Variants in FBXO11 observed in about 807,000 individuals in gnomAD.
The protein encoded by FBXO11 is F-box protein 11, also known as F-box only protein 11.
Under a neutral mutation model 117.0 loss-of-function variants are expected in FBXO11, and 13 were observed. The observed-to-expected ratio is 0.11, with a 90% CI of 0.07 to 0.18. FBXO11 has a LOEUF of 0.18. FBXO11 is among the 10% of genes least tolerant of loss of function. The probability of loss-of-function intolerance (pLI) is 1.00; values close to 1 mark genes in which losing one functional copy is unlikely to be tolerated. For missense variants in FBXO11, 767 were observed against 1,164.4 expected, an observed-to-expected ratio of 0.66 and a Z score of 4.97; for synonymous variants, 490 against 380.5, an observed-to-expected ratio of 1.29 and a Z score of -3.35.
Position 47,859,379 on chromosome 2 carries a change from G to A in FBXO11, c.233-19610C>T, listed in dbSNP as rs150347406. Among the ~76,000 whole-genome samples the A allele has an allele frequency of 4.2e-3, 632 of 152,256 alleles. 2 individuals are homozygous for A. The highest frequency in any genetic ancestry group is 0.015 in the African/African-American group (612 of 41,540). ...GGTTCGCTTTTATCATGATATTGGA[G>A]TTAAGACTGAATTCAATTTCAGATG... On this transcript the variant is annotated intron_variant, in intron 1 of 22. Transcript: ENST00000403359.
intron 1 of FBXO11, among the ~76,000 whole-genome samples, chr2:47,901,642 C>G (rs1678308664): frequency 6.6e-6 from 1 of 151,178 alleles, no homozygotes; most frequent in Non-Finnish European, 1.5e-5. Context: ...ATTCTGTCAC[C>G]CAGGCTGGAG....
chr2:47,864,740 C>T (rs11693790), intron 1 of FBXO11, among the ~76,000 whole-genome samples: 1 of 152,166 alleles, frequency 6.6e-6, no homozygotes, highest in Non-Finnish European at 1.5e-5. Flanking sequence ...AACTTACTCA[C>T]TAGGGCAATG....
intron 1 of FBXO11, among the ~76,000 whole-genome samples, chr2:47,903,741 AAAGGCTAGAATTTCAATCGAG>A (rs775354550): frequency 4.6e-5 from 7 of 152,250 alleles, no homozygotes; most frequent in South Asian, 2.1e-4. Context: ...CCTTAATATT[AAAGGCTAGAATTTCAATCGAG>A]TGTCATTGTT....
intron 1 of FBXO11, among the ~76,000 whole-genome samples, chr2:47,851,507 G>A (rs1673857258): frequency 6.6e-6 from 1 of 152,118 alleles, no homozygotes; most frequent in South Asian, 2.1e-4. Context: ...GATTACAGGT[G>A]TGAGCCACCG....
At chr2:47,866,111 T>C (rs1353868298) in intron 1 of FBXO11, among the ~76,000 whole-genome samples, 1 of 151,774 alleles carries the variant, frequency 6.6e-6, no homozygotes, top group East Asian at 1.9e-4. Flanking sequence ...TGGCTGGGCA[T>C]GGTGGCACAC....
At chr2:47,903,353 C>G (rs192120574) in intron 1 of FBXO11, among the ~76,000 whole-genome samples, 1 of 152,170 alleles carries the variant, frequency 6.6e-6, no homozygotes. Context: ...TGCAGAGAAG[C>G]AACAATTCTA....
chr2:47,906,435 G>GCTGCTT lies in FBXO11; in HGVS notation c.-721_-716dup, dbSNP rs1678820780. Among the ~76,000 whole-genome samples the GCTGCTT allele has an allele frequency of 6.6e-6, 1 of 152,088 alleles. No individual in the cohort carries two copies. Among genetic ancestry groups the GCTGCTT allele is most frequent in the Non-Finnish European group, 1.5e-5 (1 of 68,010 alleles). ...CCTCCTCCTCGTCAGCCCTGTCGCC[G>GCTGCTT]CTGCTTCTGCTGCTGCTCCGTGGCA... is the stretch of plus-strand genomic sequence containing the variant. On this transcript the variant is annotated 5_prime_UTR_variant, in exon 1 of 23. Coordinates refer to ENST00000403359, the MANE Select transcript of FBXO11 (RefSeq NM_001190274.2).
At chr2:47,817,029 G>A (rs372526979) in intron 16 of FBXO11, among the ~76,000 whole-genome samples, 1 of 152,210 alleles carries the variant, frequency 6.6e-6, no homozygotes, top group Admixed American at 6.5e-5. Flanking sequence ...AGCTATGAAT[G>A]TTCTGGATGC....
intron 1 of FBXO11, among the ~76,000 whole-genome samples, chr2:47,843,395 A>G (rs1395704036): frequency 6.6e-6 from 1 of 151,056 alleles, no homozygotes; most frequent in Admixed American, 6.6e-5. Flanking sequence ...TTCTGAAGGA[A>G]ATGTGCTGAA....
At chr2:47,885,080 A>G (rs2103935399) in intron 1 of FBXO11, among the ~76,000 whole-genome samples, 1 of 152,322 alleles carries the variant, frequency 6.6e-6, no homozygotes, top group African/African-American at 2.4e-5. Context: ...TTATCAAATA[A>G]ATATTAACTG....
At chr2:47,856,107 T>C (rs1674274044) in intron 1 of FBXO11, among the ~76,000 whole-genome samples, 1 of 152,152 alleles carries the variant, frequency 6.6e-6, no homozygotes, top group Non-Finnish European at 1.5e-5. Flanking sequence ...TGGAATACCG[T>C]CTCTAAAGAT....
At chr2:47,886,485 GAC>G (rs1254704453) in intron 1 of FBXO11, among the ~76,000 whole-genome samples, 1 of 143,302 alleles carries the variant, frequency 7.0e-6, no homozygotes, top group African/African-American at 2.6e-5. Context: ...CAGCATGGGA[GAC>G]AGAGCGAGAC....
At chr2:47,813,679 C>G (rs1572765837) in intron 17 of FBXO11, 112 bp downstream of exon 17, 3 of 791,750 alleles carry the variant, frequency 3.8e-6, no homozygotes, top group African/African-American at 3.5e-5. Context: ...GTGATCCACC[C>G]ATCTCGGCCT....
At position 47,905,586 on chromosome 2, in the gene FBXO11, A is replaced by C. The variant is rs1678738063; in HGVS notation, c.135T>G (p.Pro45=). 1.2e-5 allele frequency: 15 copies of C among 1,250,000 alleles called. No individual in the cohort carries two copies. The highest frequency in any genetic ancestry group is 1.6e-5 in the African/African-American group (1 of 62,704). 77.4% of individuals were successfully genotyped at this position (1,250,000 alleles called of 1,614,324 possible). The change falls in exon 1 of 23, where the codon CCT becomes CCG. Residue 45 remains proline, a synonymous_variant. Coordinates refer to ENST00000403359, the MANE Select transcript of FBXO11 (RefSeq NM_001190274.2). The part of the protein sequence containing the change: ...PPQQQPPQQQ[P]PPPPQQQQQQ... The stretch of plus-strand genomic sequence containing the variant: ...GCTGCTGCTGCTGCGGCGGCGGCGG[A>C]GGCTGCTGCTGGGGCGGCTGCTGCT...
chr2:47,814,118 TGACA>T, intron 16 of FBXO11: 1 of 377,802 alleles, frequency 2.6e-6, no homozygotes, highest in South Asian at 3.0e-5. Flanking sequence ...TTATATTAAG[TGACA>T]TATATTCCCC....
At chr2:47,813,939 A>G in intron 16 of FBXO11, 72 bp from the exon 17 acceptor site, 1 of 1,143,472 alleles carries the variant, frequency 8.7e-7, no homozygotes, top group East Asian at 2.4e-5. Flanking sequence ...CGTGAGGTAA[A>G]CAGTGGAGAA....
intron 16 of FBXO11, 70 bp from the exon 17 acceptor site, chr2:47,813,937 A>G: frequency 1.7e-6 from 2 of 1,169,608 alleles, no homozygotes; most frequent in Non-Finnish European, 2.6e-6. Flanking sequence ...TACGTGAGGT[A>G]AACAGTGGAG....
chr2:47,813,075 A>G lies in FBXO11; in HGVS notation c.2227+159T>C, dbSNP rs1289201724. 8 of 751,406 alleles carry G rather than the reference A, an allele frequency of 1.1e-5. No individual in the cohort carries two copies. In the East Asian group the frequency reaches 1.8e-4, roughly 17 times the overall value. 46.5% of individuals were successfully genotyped at this position (751,406 alleles called of 1,614,324 possible). ...AAAGTATTGTAAACATTTGTCTCTT[A>G]ACTCTAGGCACTAATCTCCTAAACC... On this transcript the variant is annotated intron_variant, in intron 18 of 22. Transcript: ENST00000403359.
intron 11 of FBXO11, among the ~76,000 whole-genome samples, chr2:47,829,105 G>A (rs1386295387): frequency 6.6e-6 from 1 of 152,094 alleles, no homozygotes; most frequent in Non-Finnish European, 1.5e-5. Context: ...GTGTTGGCCA[G>A]GCTGGTCTTG....
Sources: gnomAD v4.1 joint callset for allele counts (sites outside exome capture counted in the v4.1 genomes callset) on GRCh38, gnomAD v4.1.1 for gene constraint, MANE v1.5 for transcripts, NCBI Gene and HGNC (gene_info 2026-07-23, HGNC 2026-07-21) for gene names.